The following CADPS variants were observed in gnomAD, a reference collection of about 807,000 sequenced individuals.
CADPS encodes the protein calcium-dependent secretion activator 1.
CADPS carries 57 observed loss-of-function variants against 167.3 expected under a neutral mutation model. The ratio of observed to expected loss-of-function variants is 0.34; its 90% CI spans 0.28 to 0.42. CADPS has a LOEUF of 0.42. CADPS is among the 20% of genes least tolerant of loss of function. CADPS has a pLI of 1.00. For missense variants in CADPS, 1,414 were observed against 1,738.1 expected (o/e 0.81, Z 3.32); for synonymous variants, 676 against 635.3 (o/e 1.06, Z -0.96).
At chr3:62,844,476 C>T (rs942789055) in intron 1 of CADPS, among the ~76,000 whole-genome samples, 1 of 152,150 alleles carries the variant, frequency 6.6e-6, no homozygotes, top group Non-Finnish European at 1.5e-5. Flanking sequence ...GTTCTTTCTT[C>T]CTTTCCTTTT....
rs887857576 is a variant in CADPS, at chr3:62,465,584, C to T, written c.3553-134G>A. The T allele has an allele frequency of 2.2e-5, 12 of 554,402 alleles. No individual in the cohort carries two copies. Among genetic ancestry groups the T allele is most frequent in the South Asian group, 7.0e-5 (2 of 28,586 alleles). 34.3% of individuals were successfully genotyped at this position (554,402 alleles called of 1,614,324 possible). On this transcript the variant is annotated intron_variant, in intron 25 of 29. Transcript: ENST00000383710. The surrounding 1 kb of genome is among the most constrained non-coding windows in gnomAD (Gnocchi z 4.1). ...TTTCTGCAGTCTATTATTTGATTCCCGCCTTCGGAGAAAGGAATAGACTGC... is the reference window on the plus strand; with the variant it reads ...TTTCTGCAGTCTATTATTTGATTCCTGCCTTCGGAGAAAGGAATAGACTGC...
At chr3:62,849,093 A>G (rs950582386) in intron 1 of CADPS, among the ~76,000 whole-genome samples, 3 of 151,410 alleles carry the variant, frequency 2.0e-5, no homozygotes, top group Non-Finnish European at 4.4e-5. Flanking sequence ...TTGTTGGTGT[A>G]TAAGAATGCT....
At chr3:62,496,979 T>C (rs1199572350) in intron 18 of CADPS, among the ~76,000 whole-genome samples, 1 of 152,204 alleles carries the variant, frequency 6.6e-6, no homozygotes, top group East Asian at 1.9e-4. Context: ...TGCTGAAGTT[T>C]TCATTACTAA....
At chr3:62,768,052 A>C (rs756471262) in intron 1 of CADPS, among the ~76,000 whole-genome samples, 16 of 152,214 alleles carry the variant, frequency 1.1e-4, no homozygotes, top group Non-Finnish European at 1.9e-4. Context: ...TAAAGCATGG[A>C]ATAAACTCAC....
chr3:62,759,752 G>A (rs2084927449), intron 2 of CADPS, among the ~76,000 whole-genome samples: 1 of 152,066 alleles, frequency 6.6e-6, no homozygotes, highest in Non-Finnish European at 1.5e-5. Flanking sequence ...TGATGGGATT[G>A]CAAGTATTTT....
At chr3:62,503,016 T>C (rs1167606047) in intron 17 of CADPS, among the ~76,000 whole-genome samples, 2 of 151,696 alleles carry the variant, frequency 1.3e-5, no homozygotes, top group Non-Finnish European at 2.9e-5. Flanking sequence ...AGGTGTGACA[T>C]TGTTTGACAA....
At chr3:62,493,605 G>T (rs1045188514) in intron 19 of CADPS, 40 bp downstream of exon 19, 24 of 1,511,858 alleles carry the variant, frequency 1.6e-5, no homozygotes, top group Non-Finnish European at 2.2e-5. Flanking sequence ...GCAGAATAGG[G>T]GTCCACCTCT....
At position 62,727,681 on chromosome 3, in the gene CADPS, C is replaced by T. The variant is rs150729917; in HGVS notation, c.888+25760G>A. ...ACTAATACAACACTAGATGAGAAAACCATGGGAGGCCTCTTATAACCATTG... is the reference window on the plus strand; with the variant it reads ...ACTAATACAACACTAGATGAGAAAATCATGGGAGGCCTCTTATAACCATTG... On this transcript the variant is annotated intron_variant, in intron 3 of 29. Transcript: ENST00000383710. Among the ~76,000 whole-genome samples the T allele has an allele frequency of 2.2e-4, 33 of 151,276 alleles. 2 individuals are homozygous for T. The highest frequency in any genetic ancestry group is 7.6e-4 in the African/African-American group (31 of 40,820).
At position 62,486,242 on chromosome 3, in the gene CADPS, C is replaced by T. The variant is rs945355292; in HGVS notation, c.3027-4373G>A. On this transcript the variant is annotated intron_variant, in intron 21 of 29. Transcript: ENST00000383710. ...CTGGTGGATCACGAGGTCAGGAGAT[C>T]GAGACCATCCTGGCTAACACGGTGA... 8.6e-5 allele frequency among the ~76,000 whole-genome samples: 13 copies of T among 152,030 alleles called. No individual in the cohort carries two copies. The South Asian group carries it at 1.2e-3, about 15-fold the overall frequency.
chr3:62,552,435 T>C (rs2077464115), intron 10 of CADPS, among the ~76,000 whole-genome samples: 1 of 152,242 alleles, frequency 6.6e-6, no homozygotes, highest in Non-Finnish European at 1.5e-5. Context: ...AGGCCAAAGC[T>C]ACATTGTGTC....
intron 1 of CADPS, among the ~76,000 whole-genome samples, chr3:62,817,242 G>A (rs1245325755): frequency 6.6e-6 from 1 of 152,166 alleles, no homozygotes; most frequent in African/African-American, 2.4e-5. Flanking sequence ...GCTAACTTCA[G>A]AACCTCATAT....
At chr3:62,474,737 C>T (rs1220378773) in intron 23 of CADPS, among the ~76,000 whole-genome samples, 1 of 152,196 alleles carries the variant, frequency 6.6e-6, no homozygotes, top group African/African-American at 2.4e-5. Context: ...TTTTAATCTT[C>T]AAAACCTCGT....
intron 1 of CADPS, among the ~76,000 whole-genome samples, chr3:62,869,242 T>C (rs1171381689): frequency 2.0e-5 from 3 of 152,106 alleles, no homozygotes; most frequent in Non-Finnish European, 4.4e-5. Flanking sequence ...TCTAGCTTTT[T>C]TCATTCTGAT....
intron 1 of CADPS, among the ~76,000 whole-genome samples, chr3:62,819,644 G>A (rs1175881048): frequency 6.6e-6 from 1 of 152,118 alleles, no homozygotes; most frequent in African/African-American, 2.4e-5. Context: ...GATTAACGAT[G>A]GGGTTCTTGG....
At chr3:62,504,492 G>A (rs1332533831) in intron 17 of CADPS, among the ~76,000 whole-genome samples, 1 of 152,192 alleles carries the variant, frequency 6.6e-6, no homozygotes, top group African/African-American at 2.4e-5. Context: ...ATCTGGTGGT[G>A]AATAAAACAA....
intron 3 of CADPS, among the ~76,000 whole-genome samples, chr3:62,667,132 A>G (rs1245119298): frequency 6.8e-6 from 1 of 147,904 alleles, no homozygotes; most frequent in Non-Finnish European, 1.5e-5. Flanking sequence ...TAAAACTGGG[A>G]TAAGATACCT....
intron 1 of CADPS, among the ~76,000 whole-genome samples, chr3:62,790,327 A>G (rs1348130580): frequency 1.3e-5 from 2 of 152,180 alleles, no homozygotes; most frequent in African/African-American, 2.4e-5. Flanking sequence ...CTAAATTCCT[A>G]TGATGAATAA....
chr3:62,653,296 G>A (rs2070704879), intron 4 of CADPS, among the ~76,000 whole-genome samples: 1 of 152,072 alleles, frequency 6.6e-6, no homozygotes, highest in African/African-American at 2.4e-5. Flanking sequence ...TATAAAGGAG[G>A]CCTCGGAGAG....
intron 11 of CADPS, among the ~76,000 whole-genome samples, chr3:62,537,743 T>C (rs2074983393): frequency 6.6e-6 from 1 of 151,958 alleles, no homozygotes; most frequent in Non-Finnish European, 1.5e-5. Context: ...TTTTTTTTTT[T>C]CCTCTCCCAT....
Sources: allele counts gnomAD v4.1 joint callset (sites outside exome capture counted in the v4.1 genomes callset), GRCh38; gene constraint gnomAD v4.1.1; non-coding constraint Gnocchi (gnomAD v3.1); transcripts MANE v1.5; gene names NCBI Gene and HGNC (gene_info 2026-07-23, HGNC 2026-07-21).